The following JMY variants were observed in gnomAD, a reference collection of about 807,000 sequenced individuals.
The protein encoded by JMY is junction mediating and regulatory protein, p53 cofactor.
In JMY, 46 loss-of-function variants were observed where a neutral mutation model predicts 103.3. That is an observed-to-expected ratio of 0.45 (90% CI 0.35 to 0.57). The LOEUF (loss-of-function observed/expected upper bound fraction) is 0.57, where lower values mean the gene tolerates loss of function less well. JMY is among the 20% of genes least tolerant of loss of function. The pLI, the probability that JMY is intolerant of heterozygous loss-of-function variation, is 0.00. For missense variants in JMY, 1,238 were observed against 1,255.2 expected, an observed-to-expected ratio of 0.99 and a Z score of 0.21; for synonymous variants, 526 against 489.3, an observed-to-expected ratio of 1.07 and a Z score of -0.99.
intron 4 of JMY, among the ~76,000 whole-genome samples, chr5:79,295,189 CTA>C (rs1399562554): frequency 6.6e-6 from 1 of 152,142 alleles, no homozygotes; most frequent in Non-Finnish European, 1.5e-5. Context: ...TGGAAATGTT[CTA>C]TGTTTACCCT....
chr5:79,265,308 A>G (rs181440622), intron 1 of JMY, among the ~76,000 whole-genome samples: 3 of 152,360 alleles, frequency 2.0e-5, no homozygotes, highest in Admixed American at 2.0e-4. Context: ...ATATAACTTC[A>G]GAGATACTTG....
At chr5:79,251,650 C>T (rs1232166742) in intron 1 of JMY, among the ~76,000 whole-genome samples, 4 of 151,330 alleles carry the variant, frequency 2.6e-5, no homozygotes, top group East Asian at 1.9e-4. Flanking sequence ...ACCCATTAGC[C>T]GCCCCCACCT....
At chr5:79,303,161 T>C (rs1561311381) in intron 6 of JMY, among the ~76,000 whole-genome samples, 2 of 152,118 alleles carry the variant, frequency 1.3e-5, no homozygotes, top group Admixed American at 6.5e-5. Flanking sequence ...GTTGAGACAA[T>C]TGGGCACCTG....
At chr5:79,316,575 A>G (rs1747227930) in intron 10 of JMY, among the ~76,000 whole-genome samples, 1 of 151,998 alleles carries the variant, frequency 6.6e-6, no homozygotes, top group Admixed American at 6.6e-5. Flanking sequence ...TACAGCTGTA[A>G]TTGCAAGTAA....
At chr5:79,258,285 C>G (rs1004810388) in intron 1 of JMY, among the ~76,000 whole-genome samples, 1 of 149,282 alleles carries the variant, frequency 6.7e-6, no homozygotes, top group Non-Finnish European at 1.5e-5. Context: ...TTTATAAATT[C>G]AGATATTAGG....
At chr5:79,257,711 G>T (rs1394746721) in intron 1 of JMY, among the ~76,000 whole-genome samples, 7 of 152,122 alleles carry the variant, frequency 4.6e-5, no homozygotes, top group African/African-American at 1.2e-4. Context: ...TCTCTTTACG[G>T]ACCCCTCATG....
Position 79,314,331 on chromosome 5 carries a change from T to G in JMY, c.2139T>G (p.Ser713Arg). Residue 713 changes from serine to arginine, a missense_variant, in exon 9 of 11, where the codon AGT (serine) becomes AGG (arginine). Transcript: ENST00000396137. ...LAHARRKGAA[S>R]PVLQEDHCDS... ...ATGCAAGAAGAAAAGGTGCAGCAAG[T>G]CCTGTTCTCCAAGAGGATCATTGTG... 1 of 1,614,138 alleles carries G rather than the reference T, an allele frequency of 6.2e-7. No individual in the cohort carries two copies. The highest frequency in any genetic ancestry group is 8.5e-7 in the Non-Finnish European group (1 of 1,180,018).
chr5:79,314,215 T>G (rs765099658), intron 8 of JMY, 42 bp from the exon 9 acceptor site: 1 of 1,548,608 alleles, frequency 6.5e-7, no homozygotes, highest in East Asian at 2.3e-5. Flanking sequence ...ATAAATTGTT[T>G]CAATAACATT....
chr5:79,283,517 G>A (rs943050674), intron 2 of JMY, among the ~76,000 whole-genome samples: 1 of 152,106 alleles, frequency 6.6e-6, no homozygotes, highest in Admixed American at 6.6e-5. Flanking sequence ...CACCTGTTAA[G>A]TATTAAGCAG....
At chr5:79,259,497 C>A (rs746930491) in intron 1 of JMY, among the ~76,000 whole-genome samples, 27 of 152,226 alleles carry the variant, frequency 1.8e-4, no homozygotes, top group Admixed American at 3.3e-4. Flanking sequence ...AAGGACTCAC[C>A]CACTCCTGCC....
chr5:79,240,574 G>A (rs1406644187), intron 1 of JMY, among the ~76,000 whole-genome samples: 2 of 152,194 alleles, frequency 1.3e-5, no homozygotes, highest in African/African-American at 4.8e-5. Flanking sequence ...CTCCCAAAGT[G>A]CTAGGATTAC....
chr5:79,266,825 A>T (rs1745600188), intron 1 of JMY, among the ~76,000 whole-genome samples: 1 of 152,256 alleles, frequency 6.6e-6, no homozygotes, highest in African/African-American at 2.4e-5. Flanking sequence ...AACAAAGTAG[A>T]AAGACAGACA....
chr5:79,243,885 G>A (rs1744812058), intron 1 of JMY, among the ~76,000 whole-genome samples: 3 of 152,172 alleles, frequency 2.0e-5, no homozygotes, highest in Admixed American at 2.0e-4. Context: ...CAAAAACATG[G>A]AGACTGGTAG....
At chr5:79,277,701 G>T (rs1282782022) in intron 1 of JMY, among the ~76,000 whole-genome samples, 1 of 151,990 alleles carries the variant, frequency 6.6e-6, no homozygotes, top group Non-Finnish European at 1.5e-5. Flanking sequence ...AATACTTTGA[G>T]CCTCAAAAGA....
At chr5:79,288,719 T>G (rs950924049) in intron 2 of JMY, among the ~76,000 whole-genome samples, 10 of 151,312 alleles carry the variant, frequency 6.6e-5, no homozygotes, top group African/African-American at 2.0e-4. Flanking sequence ...TTGTTTTGTT[T>G]TTTTTTGTTT....
chr5:79,253,485 G>A (rs941414258), intron 1 of JMY, among the ~76,000 whole-genome samples: 1 of 151,812 alleles, frequency 6.6e-6, no homozygotes, highest in Non-Finnish European at 1.5e-5. Context: ...GTAGAGATGG[G>A]GTTTCACCGT....
rs1746708022 is a variant in JMY at position 79,300,690 on chromosome 5, G to A, written c.1708G>A (p.Val570Met). The change falls in exon 6 of 11, where the codon GTG becomes ATG. Residue 570 changes from valine (V) to methionine (M), a missense_variant. By Grantham distance (21) the Val-to-Met change is conservative (BLOSUM62 1). Coordinates refer to ENST00000396137, the MANE Select transcript of JMY (RefSeq NM_152405.5). ...KRLISEKRDE[V>M]VYYDTYESME... ...TTCTGTAACAGAAAAAAGAGATGAA[G>A]TGGTATACTATGACACTTACGAAAG... 1 of 1,596,870 alleles carries A rather than the reference G, an allele frequency of 6.3e-7. No homozygotes were observed. The highest frequency in any genetic ancestry group is 8.5e-7 in the Non-Finnish European group (1 of 1,175,598).
intron 2 of JMY, chr5:79,284,404 G>A: frequency 7.2e-7 from 1 of 1,395,402 alleles, no homozygotes; most frequent in Non-Finnish European, 1.0e-6. Context: ...GCACCTCTCG[G>A]GTCATGATTT....
intron 1 of JMY, among the ~76,000 whole-genome samples, chr5:79,265,694 C>T (rs1253856464): frequency 6.6e-6 from 1 of 152,040 alleles, no homozygotes; most frequent in African/African-American, 2.4e-5. Flanking sequence ...TGTGATGTCC[C>T]ACTCCCTCCT....
Sources: allele counts gnomAD v4.1 joint callset (sites outside exome capture counted in the v4.1 genomes callset), GRCh38; gene constraint gnomAD v4.1.1; transcripts MANE v1.5; gene names NCBI Gene and HGNC (gene_info 2026-07-23, HGNC 2026-07-21).